KIF13B: variants seen among roughly 807,000 people sequenced by gnomAD.
KIF13B encodes kinesin family member 13B, also known as kinesin-like protein KIF13B.
In KIF13B, 127 loss-of-function variants were observed where a neutral mutation model predicts 222.0. That is an observed-to-expected ratio of 0.57 (90% confidence interval 0.50 to 0.66). The LOEUF (loss-of-function observed/expected upper bound fraction) is 0.66. Among genes scored for constraint, KIF13B ranks in the 30% least tolerant of loss-of-function variants. The pLI is 0.00. For synonymous variants in KIF13B, 976 were observed against 919.0 expected (o/e 1.06, Z -1.12); for missense variants, 2,173 against 2,379.0 (o/e 0.91, Z 1.80).
At chr8:29,098,722 A>G (rs1586773038) in intron 36 of KIF13B, among the ~76,000 whole-genome samples, 2 of 152,252 alleles carry the variant, frequency 1.3e-5, no homozygotes, top group African/African-American at 4.8e-5. Context: ...GGTAATACTA[A>G]TCTTACATAA....
chr8:29,193,377 G>A (rs569006794), intron 3 of KIF13B, among the ~76,000 whole-genome samples: 24 of 126,738 alleles, frequency 1.9e-4, no homozygotes, highest in African/African-American at 5.8e-4. Context: ...GCATCAAACT[G>A]GGGGGAGCTG....
At chr8:29,127,423 C>G (rs1810162521) in intron 24 of KIF13B, among the ~76,000 whole-genome samples, 155 bp from the exon 25 acceptor site, 1 of 152,122 alleles carries the variant, frequency 6.6e-6, no homozygotes, top group African/African-American at 2.4e-5. Context: ...AATTTAAAAA[C>G]TAATCGGGAA....
At chr8:29,218,348 G>A (rs1364141954) in intron 2 of KIF13B, among the ~76,000 whole-genome samples, 1 of 152,136 alleles carries the variant, frequency 6.6e-6, no homozygotes, top group Non-Finnish European at 1.5e-5. Context: ...CTCATAAGCC[G>A]CACCTCAAAT....
chr8:29,175,824 G>A (rs1444322344), intron 10 of KIF13B, among the ~76,000 whole-genome samples: 1 of 152,192 alleles, frequency 6.6e-6, no homozygotes, highest in Non-Finnish European at 1.5e-5. Flanking sequence ...AGAAGCAATC[G>A]TGTGATTCCG....
rs149761152 is a variant in KIF13B, at chr8:29,207,766, C to T, written c.150-11567G>A. ...CTCTATAGAAGAGACCAGGTATACA[C>T]TTAATTTAAGGTCACAGACCAGAAG... On this transcript the variant is annotated intron_variant, in intron 2 of 39. Transcript: ENST00000524189. Among the ~76,000 whole-genome samples the T allele has an allele frequency of 4.2e-3, 633 of 152,130 alleles. 1 individual carries two copies. The highest frequency in any genetic ancestry group is 0.014 in the African/African-American group (601 of 41,502).
At chr8:29,182,307 T>C (rs1395372816) in intron 6 of KIF13B, among the ~76,000 whole-genome samples, 2 of 152,210 alleles carry the variant, frequency 1.3e-5, no homozygotes, top group African/African-American at 2.4e-5. Context: ...GAGAATGTGG[T>C]ACAAAGAGCA....
chr8:29,165,619 C>T (rs761771297), intron 12 of KIF13B, 43 bp downstream of exon 12: 10 of 1,296,494 alleles, frequency 7.7e-6, no homozygotes, highest in Non-Finnish European at 8.9e-6. Flanking sequence ...ATTGTGCAAA[C>T]TGCCATGAGG....
intron 7 of KIF13B, among the ~76,000 whole-genome samples, chr8:29,181,096 A>G (rs1003109384): frequency 6.6e-6 from 1 of 152,210 alleles, no homozygotes; most frequent in Non-Finnish European, 1.5e-5. Context: ...ATTTTAGTGA[A>G]TAAGATTTAA....
At chr8:29,148,967 C>A (rs1379452629) in intron 15 of KIF13B, among the ~76,000 whole-genome samples, 200 bp from the exon 16 acceptor site, 2 of 152,172 alleles carry the variant, frequency 1.3e-5, no homozygotes, top group Non-Finnish European at 1.5e-5. Flanking sequence ...AAGTATGACA[C>A]TAGGCCACAC....
chr8:29,256,996 C>A (rs1816504975), intron 1 of KIF13B, among the ~76,000 whole-genome samples: 1 of 152,164 alleles, frequency 6.6e-6, no homozygotes, highest in African/African-American at 2.4e-5. Flanking sequence ...CTCAAGTGAT[C>A]CACCCACCTC....
At chr8:29,123,532 C>T in intron 27 of KIF13B, 40 bp from the exon 28 acceptor site, 1 of 1,610,436 alleles carries the variant, frequency 6.2e-7, no homozygotes, top group South Asian at 1.1e-5. Flanking sequence ...CAAAACTTCA[C>T]TTGCCATTTA....
intron 18 of KIF13B, chr8:29,146,140 G>T (rs1281011689): frequency 3.4e-6 from 2 of 593,622 alleles, no homozygotes; most frequent in Non-Finnish European, 6.0e-6. Context: ...AAAGTTGAGT[G>T]AAATGAACTG....
chr8:29,239,126 A>C lies in KIF13B; in HGVS notation c.149+6220T>G, dbSNP rs139742225. 5.1e-4 allele frequency among the ~76,000 whole-genome samples: 77 copies of C among 152,332 alleles called. 1 individual carries two copies. In the East Asian group the frequency reaches 9.8e-3, roughly 19 times the overall value. On this transcript the variant is annotated intron_variant, in intron 2 of 39. Transcript: ENST00000524189. Reference sequence around the variant, plus strand: ...TGTCTTTAGCACTGTGTTAATGTGCATACCCGCCCAGCCCCCCAAACCATA... The same window carrying C: ...TGTCTTTAGCACTGTGTTAATGTGCCTACCCGCCCAGCCCCCCAAACCATA...
chr8:29,150,325 T>A lies in KIF13B; in HGVS notation c.1594A>T (p.Ile532Leu), dbSNP rs760188606. The A allele has an allele frequency of 6.3e-7, 1 of 1,590,220 alleles. No individual in the cohort carries two copies. Among genetic ancestry groups the A allele is most frequent in the Non-Finnish European group, 8.6e-7 (1 of 1,161,068 alleles). ...SPIQLHHGDR[I>L]LWGNNHFFRL... ...AAGAAATGATTGTTTCCCCATAATA[T>A]CCTGTCCCCATGGTGTAGCTGTATT... The change falls in exon 15 of 40, where the codon ATA (isoleucine) becomes TTA (leucine). Residue 532 changes from isoleucine to leucine, a missense_variant. Transcript: ENST00000524189.
chr8:29,175,820 A>T (rs1232630021), intron 10 of KIF13B, among the ~76,000 whole-genome samples: 2 of 152,220 alleles, frequency 1.3e-5, no homozygotes, highest in Non-Finnish European at 2.9e-5. Flanking sequence ...CTCCAGAAGC[A>T]ATCGTGTGAT....
At chr8:29,214,875 GACC>G (rs1814403455) in intron 2 of KIF13B, among the ~76,000 whole-genome samples, 1 of 152,122 alleles carries the variant, frequency 6.6e-6, no homozygotes. Context: ...AATTTGATGG[GACC>G]ACCTTCATAT....
intron 26 of KIF13B, among the ~76,000 whole-genome samples, chr8:29,125,747 G>GAAA (rs34392914): frequency 7.0e-6 from 1 of 143,450 alleles, no homozygotes. Context: ...GAAAACAAAG[G>GAAA]AAAAAAAAAA....
At chr8:29,122,681 G>A (rs1586808818) in intron 28 of KIF13B, 35 bp from the exon 29 acceptor site, 1 of 1,570,822 alleles carries the variant, frequency 6.4e-7, no homozygotes, top group South Asian at 1.2e-5. Flanking sequence ...TCTGCCTCAG[G>A]TTACTTTCTC....
intron 2 of KIF13B, among the ~76,000 whole-genome samples, chr8:29,198,314 G>A (rs958262374): frequency 6.8e-6 from 1 of 147,626 alleles, no homozygotes; most frequent in Non-Finnish European, 1.5e-5. Context: ...TGCATGTTTT[G>A]TTTTTTGTTT....
Sources: allele counts gnomAD v4.1 joint callset (sites outside exome capture counted in the v4.1 genomes callset), GRCh38; gene constraint gnomAD v4.1.1; transcripts MANE v1.5; gene names NCBI Gene and HGNC (gene_info 2026-07-23, HGNC 2026-07-21).